The following PLXNA4 variants were observed in gnomAD, a reference collection of about 807,000 sequenced individuals.
PLXNA4 encodes the protein plexin A4.
PLXNA4 carries 44 observed loss-of-function variants against 191.8 expected under a neutral mutation model. The observed-to-expected ratio is 0.23, with a 90% CI of 0.18 to 0.29. The LOEUF (loss-of-function observed/expected upper bound fraction) is 0.29. Ranked by LOEUF, PLXNA4 falls within the 10% of genes least tolerant of loss-of-function variation. The pLI, the probability that PLXNA4 is intolerant of heterozygous loss-of-function variation, is 1.00. For synonymous variants in PLXNA4, 1,082 were observed against 1,009.5 expected (o/e 1.07, Z -1.36); for missense variants, 1,800 against 2,488.8 (o/e 0.72, Z 5.89).
chr7:132,340,181 T>A (rs916265514), intron 3 of PLXNA4, among the ~76,000 whole-genome samples: 2 of 152,210 alleles, frequency 1.3e-5, no homozygotes, highest in African/African-American at 4.8e-5. Context: ...TCCACGTACA[T>A]CCTTAGTGCC....
rs10651247 is a variant in PLXNA4 at position 132,172,758 on chromosome 7, T to TATAATAATAATA, written c.4017+2008_4017+2019dup. Among the ~76,000 whole-genome samples, 482 of 149,018 alleles carry TATAATAATAATA rather than the reference T, an allele frequency of 3.2e-3. 2 individuals are homozygous for TATAATAATAATA. The highest frequency in any genetic ancestry group is 9.9e-3 in the African/African-American group (400 of 40,494). On this transcript the variant is annotated intron_variant, in intron 21 of 31. Coordinates refer to ENST00000321063, the MANE Select transcript of PLXNA4 (RefSeq NM_020911.2). ...TGCACATGTACCCTAAAACTTAAAG[T>TATAATAATAATA]ATAATAATAATAATAATAATAATAA...
At chr7:132,211,240 T>C in intron 9 of PLXNA4, 97 bp from the exon 10 acceptor site, 1 of 1,317,304 alleles carries the variant, frequency 7.6e-7, no homozygotes, top group Non-Finnish European at 1.0e-6. Flanking sequence ...TCTCCACCCT[T>C]CCATGGACAC....
chr7:132,203,168 ATGG>A (rs1015950804), intron 11 of PLXNA4, among the ~76,000 whole-genome samples, 152 bp downstream of exon 11: 24 of 152,132 alleles, frequency 1.6e-4, no homozygotes, highest in African/African-American at 5.6e-4. Flanking sequence ...AGAAGCACAG[ATGG>A]TGGAGAGGCT....
intron 4 of PLXNA4, among the ~76,000 whole-genome samples, chr7:132,267,092 A>C (rs1217976921): frequency 1.3e-5 from 2 of 152,214 alleles, no homozygotes; most frequent in East Asian, 3.9e-4. Flanking sequence ...TGAGGAATAC[A>C]TAACCACCCA....
At chr7:132,567,821 T>C (rs1361998193) in intron 1 of PLXNA4, among the ~76,000 whole-genome samples, 1 of 152,216 alleles carries the variant, frequency 6.6e-6, no homozygotes, top group Non-Finnish European at 1.5e-5. Context: ...ATTGAGTTAC[T>C]GATGAAACAA....
intron 24 of PLXNA4, among the ~76,000 whole-genome samples, chr7:132,161,581 AG>A (rs1795950145): frequency 6.6e-6 from 1 of 152,178 alleles, no homozygotes; most frequent in Non-Finnish European, 1.5e-5. Flanking sequence ...GCATTTTTCC[AG>A]GTTCCCAGGC....
intron 3 of PLXNA4, among the ~76,000 whole-genome samples, chr7:132,455,804 C>T (rs1796293309): frequency 6.6e-6 from 1 of 152,162 alleles, no homozygotes; most frequent in South Asian, 2.1e-4. Context: ...GGTGTGGGTG[C>T]CTGGCTCCCA....
At chr7:132,493,029 C>T (rs1797866468) in intron 2 of PLXNA4, among the ~76,000 whole-genome samples, 1 of 152,118 alleles carries the variant, frequency 6.6e-6, no homozygotes, top group African/African-American at 2.4e-5. Flanking sequence ...GGGAGGGTCC[C>T]CCAGGGCCTG....
At chr7:132,387,141 G>T (rs150995309) in intron 3 of PLXNA4, among the ~76,000 whole-genome samples, 27 of 152,308 alleles carry the variant, frequency 1.8e-4, no homozygotes, top group Middle Eastern at 3.4e-3. Flanking sequence ...GCTGAATTGC[G>T]CTGGTCTAGA....
intron 2 of PLXNA4, among the ~76,000 whole-genome samples, chr7:132,603,225 G>A (rs952489799): frequency 6.6e-6 from 1 of 151,054 alleles, no homozygotes; most frequent in Non-Finnish European, 1.5e-5. Flanking sequence ...AACATAGACT[G>A]CTGGGATCTG....
intron 3 of PLXNA4, among the ~76,000 whole-genome samples, chr7:132,467,401 G>A (rs1296549773): frequency 4.6e-5 from 7 of 152,158 alleles, no homozygotes; most frequent in African/African-American, 1.2e-4. Flanking sequence ...CCCCCTGCAG[G>A]GGACCCGTGA....
intron 3 of PLXNA4, among the ~76,000 whole-genome samples, chr7:132,478,787 C>T (rs945799385): frequency 1.3e-5 from 2 of 152,096 alleles, no homozygotes; most frequent in Admixed American, 6.6e-5. Context: ...ATTCTGGCCT[C>T]TCAGGTCCAA....
intron 18 of PLXNA4, 73 bp downstream of exon 18, chr7:132,181,308 G>C: frequency 6.3e-7 from 1 of 1,589,896 alleles, no homozygotes. Flanking sequence ...GCAGGAGTCT[G>C]TGACTTGAAC....
At chr7:132,378,145 T>C (rs1804739643) in intron 3 of PLXNA4, among the ~76,000 whole-genome samples, 1 of 152,202 alleles carries the variant, frequency 6.6e-6, no homozygotes, top group Non-Finnish European at 1.5e-5. Context: ...ACACATATGT[T>C]ATTCTCAAGA....
intron 5 of PLXNA4, among the ~76,000 whole-genome samples, chr7:132,232,449 C>G (rs966313497): frequency 1.3e-5 from 2 of 152,132 alleles, no homozygotes; most frequent in Non-Finnish European, 2.9e-5. Context: ...AGCAGGAAGC[C>G]GACCCCAAGA....
chr7:132,436,184 G>A (rs2117221169), intron 3 of PLXNA4, among the ~76,000 whole-genome samples: 1 of 152,340 alleles, frequency 6.6e-6, no homozygotes, highest in African/African-American at 2.4e-5. Flanking sequence ...ACTCCAGGCT[G>A]CACTCTCCTT....
At chr7:132,176,144 C>T (rs1291728767) in intron 20 of PLXNA4, among the ~76,000 whole-genome samples, 1 of 152,172 alleles carries the variant, frequency 6.6e-6, no homozygotes, top group Admixed American at 6.5e-5. Flanking sequence ...CAAATTTTGG[C>T]TTTCTGTGCC....
intron 3 of PLXNA4, among the ~76,000 whole-genome samples, chr7:132,366,645 T>C (rs1042123147): frequency 1.3e-5 from 2 of 152,246 alleles, no homozygotes; most frequent in East Asian, 3.8e-4. Context: ...TGACTGATGT[T>C]GCAGAAAAGA....
At chr7:132,637,040 G>A (rs1022696075) in intron 2 of PLXNA4, among the ~76,000 whole-genome samples, 8 of 152,154 alleles carry the variant, frequency 5.3e-5, no homozygotes, top group African/African-American at 1.9e-4. Flanking sequence ...TTGTAGAAAT[G>A]CTTGGAATGA....
Sources: gnomAD v4.1 joint callset for allele counts (sites outside exome capture counted in the v4.1 genomes callset) on GRCh38, gnomAD v4.1.1 for gene constraint, MANE v1.5 for transcripts, NCBI Gene and HGNC (gene_info 2026-07-23, HGNC 2026-07-21) for gene names.